Variants in JAK1 observed in about 807,000 individuals in gnomAD.
JAK1 encodes the protein Janus kinase 1, also known as tyrosine-protein kinase JAK1.
Under a neutral mutation model 136.6 loss-of-function variants are expected in JAK1, and 16 were observed. The ratio of observed to expected loss-of-function variants is 0.12; its 90% CI spans 0.08 to 0.18. The LOEUF (loss-of-function observed/expected upper bound fraction) is 0.18. JAK1 is among the 10% of genes least tolerant of loss of function. The pLI is 1.00. For missense variants in JAK1, 859 were observed against 1,450.1 expected (o/e 0.59, Z 6.62); for synonymous variants, 492 against 519.5 (o/e 0.95, Z 0.72).
upstream of JAK1, among the ~76,000 whole-genome samples, chr1:64,967,512 C>A (rs745854085): frequency 5.9e-5 from 9 of 152,208 alleles, no homozygotes; most frequent in Non-Finnish European, 1.0e-4. Context: ...GGATGAAAAT[C>A]CTCCGAGGCC....
upstream of JAK1, among the ~76,000 whole-genome samples, chr1:64,969,403 A>C (rs1376846571): frequency 3.1e-5 from 4 of 130,084 alleles, no homozygotes; most frequent in Non-Finnish European, 3.3e-5. Context: ...CCCCCATCAC[A>C]CCCCCCCGCA....
intron 1 of JAK1, among the ~76,000 whole-genome samples, chr1:64,946,650 A>G (rs1022644369): frequency 1.3e-5 from 2 of 152,226 alleles, no homozygotes; most frequent in African/African-American, 4.8e-5. Context: ...AGAGTTAATT[A>G]CGGGCAGTTT....
intron 12 of JAK1, among the ~76,000 whole-genome samples, chr1:64,849,966 C>T (rs968154355): frequency 6.6e-6 from 1 of 152,184 alleles, no homozygotes; most frequent in African/African-American, 2.4e-5. Context: ...ATCCAACAAT[C>T]TCGGGGACTC....
chr1:64,907,691 TA>T (rs1173576270), intron 1 of JAK1, among the ~76,000 whole-genome samples: 4 of 151,736 alleles, frequency 2.6e-5, no homozygotes, highest in East Asian at 1.9e-4. Flanking sequence ...AACTTAAAGT[TA>T]AAAAAAACAA....
In JAK1 at chr1:64,962,042, T is replaced by C. The variant is rs192666377; in HGVS notation, c.-78+4291A>G. On this transcript the variant is annotated intron_variant, in intron 1 of 24. Transcript: ENST00000342505. Reference sequence around the variant, plus strand: ...GTCCTCAAACTTCAAAGGAGTGCCATGAAGGGTTCTAGGAAACATTCTACA... The same window carrying C: ...GTCCTCAAACTTCAAAGGAGTGCCACGAAGGGTTCTAGGAAACATTCTACA... Among the ~76,000 whole-genome samples, 13 of 152,334 alleles carry C rather than the reference T, an allele frequency of 8.5e-5. No individual in the cohort carries two copies. The South Asian group carries it at 1.2e-3, about 15-fold the overall frequency.
intron 8 of JAK1, among the ~76,000 whole-genome samples, chr1:64,860,559 T>C (rs1656236170): frequency 6.6e-6 from 1 of 151,946 alleles, no homozygotes; most frequent in Admixed American, 6.6e-5. Flanking sequence ...GTCCAAGCGA[T>C]TCTTCTGCCT....
intron 2 of JAK1, among the ~76,000 whole-genome samples, chr1:64,998,287 T>C (rs954119214): frequency 4.6e-5 from 7 of 152,308 alleles, no homozygotes; most frequent in Middle Eastern, 6.8e-3. Flanking sequence ...AGCTGGGAAT[T>C]TCCAAGCATT....
chr1:64,971,185 G>T (rs1457785981), upstream of JAK1, among the ~76,000 whole-genome samples: 1 of 152,138 alleles, frequency 6.6e-6, no homozygotes, highest in Non-Finnish European at 1.5e-5. Flanking sequence ...ATATAAATCA[G>T]TCACCATATT....
chr1:64,933,408 A>G (rs1199543040), intron 1 of JAK1, among the ~76,000 whole-genome samples: 1 of 152,214 alleles, frequency 6.6e-6, no homozygotes, highest in African/African-American at 2.4e-5. Context: ...GTCTCTGCCT[A>G]AGTGACGTAT....
At chr1:64,979,732 T>C (rs1198389023) in intron 2 of JAK1, 1 of 152,118 alleles carries the variant, frequency 6.6e-6, no homozygotes, top group Non-Finnish European at 1.5e-5. Flanking sequence ...AAGACATCCA[T>C]CTGAAAAATA....
At chr1:64,928,791 A>AAAAAAAAAAAAAC (rs1553170026) in intron 1 of JAK1, among the ~76,000 whole-genome samples, 2 of 125,422 alleles carry the variant, frequency 1.6e-5, no homozygotes, top group Non-Finnish European at 3.1e-5. Flanking sequence ...AAAAAAAAAA[A>AAAAAAAAAAAAAC]AAAAACAAAA....
At chr1:64,922,132 T>C (rs577179676) in intron 1 of JAK1, among the ~76,000 whole-genome samples, 1 of 143,926 alleles carries the variant, frequency 6.9e-6, no homozygotes, top group African/African-American at 2.8e-5. Flanking sequence ...AGTTTCCTCA[T>C]TTGATTGTTC....
chr1:65,016,516 G>A (rs915987411), intron 2 of JAK1, among the ~76,000 whole-genome samples: 5 of 152,102 alleles, frequency 3.3e-5, no homozygotes, highest in East Asian at 1.9e-4. Context: ...CAACTACTCC[G>A]GAGGCTAAGG....
At chr1:64,910,043 C>T (rs1003565959) in intron 1 of JAK1, among the ~76,000 whole-genome samples, 2 of 152,090 alleles carry the variant, frequency 1.3e-5, no homozygotes, top group African/African-American at 4.8e-5. Context: ...GGTCTCTGTA[C>T]CACAAAAGCT....
chr1:64,873,850 C>T (rs912697647), intron 4 of JAK1, among the ~76,000 whole-genome samples: 6 of 152,198 alleles, frequency 3.9e-5, no homozygotes, highest in African/African-American at 9.7e-5. Context: ...GCTCCCTGCA[C>T]GCTTACCATC....
chr1:65,043,542 T>G (rs1296033289), intron 2 of JAK1, among the ~76,000 whole-genome samples: 1 of 152,066 alleles, frequency 6.6e-6, no homozygotes, highest in African/African-American at 2.4e-5. Context: ...TGTTTTTGTT[T>G]TTTGTTTTTG....
chr1:64,865,054 T>C (rs1186966236), intron 7 of JAK1, 82 bp from the exon 8 acceptor site: 1 of 1,107,824 alleles, frequency 9.0e-7, no homozygotes, highest in East Asian at 2.4e-5. Context: ...CTGGGAAACC[T>C]ATGCAGGGCC....
At chr1:64,872,709 C>T (rs551917994) in intron 5 of JAK1, among the ~76,000 whole-genome samples, 31 of 151,644 alleles carry the variant, frequency 2.0e-4, no homozygotes, top group African/African-American at 6.8e-4. Context: ...ATTAAAACAA[C>T]GAAGATCAAT....
At chr1:65,000,738 T>G (rs1015967201) in intron 2 of JAK1, among the ~76,000 whole-genome samples, 3 of 152,206 alleles carry the variant, frequency 2.0e-5, no homozygotes, top group African/African-American at 4.8e-5. Flanking sequence ...TACATCAGAT[T>G]GTTAACAGTG....
Sources: allele counts gnomAD v4.1 joint callset (sites outside exome capture counted in the v4.1 genomes callset), GRCh38; gene constraint gnomAD v4.1.1; transcripts MANE v1.5; gene names NCBI Gene and HGNC (gene_info 2026-07-23, HGNC 2026-07-21).